Variants in TLN2 observed in about 807,000 individuals in gnomAD.
TLN2 encodes talin-2.
TLN2 carries 118 observed loss-of-function variants against 294.7 expected under a neutral mutation model. The observed-to-expected ratio is 0.40, with a 90% CI of 0.34 to 0.47. The LOEUF (loss-of-function observed/expected upper bound fraction) is 0.47. Among genes scored for constraint, TLN2 ranks in the 20% least tolerant of loss-of-function variants. The pLI is 0.84. For synonymous variants in TLN2, 1,431 were observed against 1,304.5 expected (o/e 1.10, Z -2.09); for missense variants, 3,083 against 3,282.2 (o/e 0.94, Z 1.48).
chr15:62,662,109 C>T (rs1008354793), intron 9 of TLN2, among the ~76,000 whole-genome samples: 1 of 151,646 alleles, frequency 6.6e-6, no homozygotes, highest in Non-Finnish European at 1.5e-5. Context: ...ATAGAAACCA[C>T]AGAGAATCAA....
intron 7 of TLN2, among the ~76,000 whole-genome samples, chr15:62,654,758 A>G (rs2053011549): frequency 7.3e-6 from 1 of 137,744 alleles, no homozygotes; most frequent in Non-Finnish European, 1.6e-5. Context: ...CTGCCTCAAA[A>G]AAAAAAAAAA....
intron 1 of TLN2, among the ~76,000 whole-genome samples, chr15:62,444,517 T>A (rs1595818434): frequency 6.6e-6 from 1 of 152,212 alleles, no homozygotes; most frequent in East Asian, 1.9e-4. Context: ...TATGTCTGCT[T>A]TCTAAAGAAC....
intron 1 of TLN2, among the ~76,000 whole-genome samples, chr15:62,409,153 T>G (rs1398829307): frequency 2.6e-5 from 4 of 151,546 alleles, no homozygotes; most frequent in African/African-American, 9.7e-5. Flanking sequence ...TTGGGGATTT[T>G]TTTTTGTAGA....
chr15:62,632,938 ATTTAT>A (rs58120889), intron 3 of TLN2, among the ~76,000 whole-genome samples: 142,807 of 151,984 alleles, frequency 0.94, 67,134 homozygotes, highest in East Asian at 1. Context: ...TGTTGAATTT[ATTTAT>A]TTTAATTCCA....
Position 62,694,320 on chromosome 15 carries a change from A to G in TLN2, c.1220A>G (p.Gln407Arg), listed in dbSNP as rs2058166975. 8 of 1,613,964 alleles carry G rather than the reference A, an allele frequency of 5.0e-6. No individual in the cohort carries two copies. In the East Asian group the frequency reaches 1.8e-4, roughly 36 times the overall value. Reference sequence around the variant, plus strand: ...CTTGTTTTATTGCATTTCCAGAAACAAAGTAAAGATCGATTTGGACTAGAA... The same window carrying G: ...CTTGTTTTATTGCATTTCCAGAAACGAAGTAAAGATCGATTTGGACTAGAA... ...GYIDIILKKK[Q>R]SKDRFGLEGD... is the part of the protein sequence containing the mutation. The change falls in exon 14 of 59, where the codon CAA becomes CGA. Residue 407 changes from glutamine (Q) to arginine (R), a missense_variant. Transcript: ENST00000636159.
At chr15:62,742,217 G>A (rs927070816) in intron 32 of TLN2, among the ~76,000 whole-genome samples, 1 of 152,098 alleles carries the variant, frequency 6.6e-6, no homozygotes, top group Non-Finnish European at 1.5e-5. Flanking sequence ...TGCTTTGTTC[G>A]TGACTGTTCT....
At chr15:62,579,932 T>G (rs2044774486) in intron 1 of TLN2, among the ~76,000 whole-genome samples, 1 of 152,156 alleles carries the variant, frequency 6.6e-6, no homozygotes, top group Non-Finnish European at 1.5e-5. Context: ...GCGTGGAGCC[T>G]TGTGTGTGCA....
At chr15:62,540,035 C>T (rs1401715526) in intron 1 of TLN2, among the ~76,000 whole-genome samples, 1 of 151,934 alleles carries the variant, frequency 6.6e-6, no homozygotes, top group Non-Finnish European at 1.5e-5. Context: ...CCCAGGGGTC[C>T]ATTAAATATA....
chr15:62,450,197 C>T (rs936795872), intron 1 of TLN2, among the ~76,000 whole-genome samples: 12 of 152,132 alleles, frequency 7.9e-5, no homozygotes, highest in African/African-American at 2.9e-4. Context: ...ATACTCCTTG[C>T]CTGAAACGTT....
chr15:62,688,629 T>G (rs2057500828), intron 12 of TLN2, among the ~76,000 whole-genome samples: 2 of 152,124 alleles, frequency 1.3e-5, no homozygotes, highest in Admixed American at 6.5e-5. Context: ...AATTATGGAT[T>G]TTTCTACTTT....
At chr15:62,574,257 T>C (rs1335192813) in intron 1 of TLN2, among the ~76,000 whole-genome samples, 1 of 151,932 alleles carries the variant, frequency 6.6e-6, no homozygotes, top group East Asian at 1.9e-4. Context: ...TTTTTTTGCC[T>C]TTAACTTCAA....
chr15:62,494,514 A>C (rs2038918127), intron 1 of TLN2, among the ~76,000 whole-genome samples: 1 of 151,954 alleles, frequency 6.6e-6, no homozygotes, highest in Admixed American at 6.6e-5. Context: ...TTAATGGCAG[A>C]AGTTCAGGCC....
At chr15:62,635,860 C>T (rs1200462204) in intron 3 of TLN2, among the ~76,000 whole-genome samples, 1 of 152,108 alleles carries the variant, frequency 6.6e-6, no homozygotes, top group Non-Finnish European at 1.5e-5. Flanking sequence ...TTCCTGCATC[C>T]CTGACACAAG....
intron 20 of TLN2, among the ~76,000 whole-genome samples, chr15:62,708,064 T>G (rs908979927): frequency 2.6e-5 from 4 of 152,062 alleles, no homozygotes; most frequent in African/African-American, 9.7e-5. Context: ...AGAACCCCCC[T>G]GTTCTTTAAA....
At chr15:62,535,255 G>C (rs1277487645) in intron 1 of TLN2, among the ~76,000 whole-genome samples, 1 of 152,088 alleles carries the variant, frequency 6.6e-6, no homozygotes, top group Non-Finnish European at 1.5e-5. Flanking sequence ...TGCCACTGGG[G>C]CACTTCCAAA....
intron 9 of TLN2, among the ~76,000 whole-genome samples, chr15:62,667,748 A>G (rs1316266751): frequency 6.6e-6 from 1 of 152,168 alleles, no homozygotes; most frequent in Non-Finnish European, 1.5e-5. Context: ...CTTGTAACTT[A>G]CGGTCAGACT....
intron 1 of TLN2, among the ~76,000 whole-genome samples, chr15:62,496,296 A>T (rs2039011863): frequency 6.6e-6 from 1 of 152,244 alleles, no homozygotes; most frequent in South Asian, 2.1e-4. Flanking sequence ...ACTTCTCAAA[A>T]GGCCTACTTG....
chr15:62,685,849 C>T (rs1170104468), intron 11 of TLN2, among the ~76,000 whole-genome samples: 1 of 152,150 alleles, frequency 6.6e-6, no homozygotes, highest in East Asian at 1.9e-4. Flanking sequence ...TTCTGCTCTC[C>T]TCCCCCTGGT....
chr15:62,823,253 C>A (rs1360424050), intron 54 of TLN2, among the ~76,000 whole-genome samples: 2 of 152,200 alleles, frequency 1.3e-5, no homozygotes, highest in African/African-American at 4.8e-5. Flanking sequence ...GGAAAACCTG[C>A]AACCCAAACC....
Sources: gnomAD v4.1 joint callset for allele counts (sites outside exome capture counted in the v4.1 genomes callset) on GRCh38, gnomAD v4.1.1 for gene constraint, MANE v1.5 for transcripts, NCBI Gene and HGNC (gene_info 2026-07-23, HGNC 2026-07-21) for gene names.